The following DYNLRB1 variants were observed in gnomAD, a reference collection of about 807,000 sequenced individuals.
The protein encoded by DYNLRB1 is dynein light chain roadblock-type 1.
DYNLRB1 carries 6 observed loss-of-function variants against 13.5 expected under a neutral mutation model. That is an observed-to-expected ratio of 0.44 (90% confidence interval 0.24 to 0.88). The LOEUF is 0.88. Among genes scored for constraint, DYNLRB1 ranks in the 40% least tolerant of loss-of-function variants. The probability of loss-of-function intolerance (pLI) is 0.21; values close to 1 mark genes in which losing one functional copy is unlikely to be tolerated. For missense variants in DYNLRB1, 93 were observed against 127.2 expected, an observed-to-expected ratio of 0.73 and a Z score of 1.29; for synonymous variants, 43 against 45.0, an observed-to-expected ratio of 0.96 and a Z score of 0.18.
intron 2 of DYNLRB1, 53 bp from the exon 3 acceptor site, chr20:34,534,575 G>A (rs1329027579): frequency 6.6e-7 from 1 of 1,517,388 alleles, no homozygotes; most frequent in Non-Finnish European, 8.8e-7. Flanking sequence ...GTGGGTGGGA[G>A]CTCGGCAGAA....
intron 1 of DYNLRB1, among the ~76,000 whole-genome samples, chr20:34,521,370 G>A (rs905893151): frequency 2.0e-5 from 3 of 151,960 alleles, no homozygotes; most frequent in East Asian, 1.9e-4. Flanking sequence ...GTAATTTCTC[G>A]TAGGCATATT....
At chr20:34,533,241 A>G (rs1260963010) in intron 2 of DYNLRB1, among the ~76,000 whole-genome samples, 3 of 152,194 alleles carry the variant, frequency 2.0e-5, no homozygotes, top group Non-Finnish European at 4.4e-5. Flanking sequence ...TGCCCAGTTA[A>G]TTATACTGGT....
At chr20:34,527,702 T>G (rs1305589155) in intron 2 of DYNLRB1, among the ~76,000 whole-genome samples, 2 of 152,244 alleles carry the variant, frequency 1.3e-5, no homozygotes, top group African/African-American at 2.4e-5. Context: ...GAGATTCTTA[T>G]GATCAGACAG....
rs779758694 is a variant in DYNLRB1, at chr20:34,526,325, A to G, written c.61A>G (p.Ile21Val). 6.2e-6 allele frequency: 10 copies of G among 1,614,018 alleles called. No homozygotes were observed. The Admixed American group carries it at 1.3e-4, about 22-fold the overall frequency. Residue 21 changes from isoleucine to valine, a missense_variant, in exon 2 of 4, where the codon ATC becomes GTC. Physicochemically the swap from Ile to Val is conservative, Grantham distance 29. Transcript: ENST00000357156. Reference protein sequence around the residue: ...LQSQKGVQGIIVVNTEGIPIK... With the variant: ...LQSQKGVQGIVVVNTEGIPIK... ...GAGCCAGAAGGGAGTGCAGGGAATC[A>G]TCGTCGTGAACACAGAAGGTACGCC...
At position 34,540,567 on chromosome 20, in the gene DYNLRB1, T is replaced by G. The variant is rs1981497503; in HGVS notation, c.248-14T>G. The G allele has an allele frequency of 6.2e-7, 1 of 1,612,198 alleles. No individual in the cohort carries two copies. The highest frequency in any genetic ancestry group is 8.5e-7 in the Non-Finnish European group (1 of 1,179,152). ...TTACATTTAGTGATTTTTTTTCATT[T>G]TTCTCTTTTGCAGATAAAGACTATT... On this transcript the variant is annotated splice_polypyrimidine_tract_variant and intron_variant, in intron 3 of 3. Coordinates refer to ENST00000357156, the MANE Select transcript of DYNLRB1 (RefSeq NM_014183.4).
chr20:34,521,807 G>A (rs1034517400), intron 1 of DYNLRB1, among the ~76,000 whole-genome samples: 1 of 152,192 alleles, frequency 6.6e-6, no homozygotes. Context: ...AACAGTTTGG[G>A]AGGCCAAGGC....
intron 1 of DYNLRB1, among the ~76,000 whole-genome samples, chr20:34,525,925 A>T (rs535402573): frequency 2.6e-5 from 4 of 152,176 alleles, no homozygotes; most frequent in Non-Finnish European, 5.9e-5. Context: ...ACAGAGTCCC[A>T]TCCCCCAGCT....
At chr20:34,525,936 A>G (rs866997113) in intron 1 of DYNLRB1, among the ~76,000 whole-genome samples, 2 of 152,206 alleles carry the variant, frequency 1.3e-5, no homozygotes, top group South Asian at 2.1e-4. Context: ...TCCCCCAGCT[A>G]TGCCAAATAT....
chr20:34,536,165 G>T (rs1479612906), intron 3 of DYNLRB1: 1 of 985,448 alleles, frequency 1.0e-6, no homozygotes, highest in African/African-American at 1.7e-5. Flanking sequence ...ACGCTTCTGT[G>T]TGTAATGCCT....
intron 3 of DYNLRB1, among the ~76,000 whole-genome samples, chr20:34,536,784 C>T (rs1981182865): frequency 6.6e-6 from 1 of 151,894 alleles, no homozygotes; most frequent in South Asian, 2.1e-4. Flanking sequence ...GGGAACAGTC[C>T]CCCTGCTCAC....
intron 1 of DYNLRB1, among the ~76,000 whole-genome samples, chr20:34,520,028 C>T (rs1600538518): frequency 6.6e-6 from 1 of 152,154 alleles, no homozygotes; most frequent in Admixed American, 6.5e-5. Flanking sequence ...GCTCAGGAGG[C>T]TGAGGCACTA....
chr20:34,516,472 G>T lies in DYNLRB1; in HGVS notation c.3+11G>T, dbSNP rs745769629. 1.9e-6 allele frequency: 3 copies of T among 1,612,684 alleles called. No individual in the cohort carries two copies. The highest frequency in any genetic ancestry group is 2.5e-6 in the Non-Finnish European group (3 of 1,179,234). The stretch of plus-strand genomic sequence containing the variant: ...GATCGGTCGGAAATGGTGAGCGTGC[G>T]CCGGGGTCTTGTGGCTGGCGGCCGC... On this transcript the variant is annotated intron_variant, in intron 1 of 3. Coordinates refer to ENST00000357156, the MANE Select transcript of DYNLRB1 (RefSeq NM_014183.4).
In DYNLRB1 at chr20:34,526,293, G is replaced by A. The variant is rs138971582; in HGVS notation, c.29G>A (p.Arg10Gln). ...GCAGAGGTGGAGGAGACACTGAAGC[G>A]ACTGCAGAGCCAGAAGGGAGTGCAG... MAEVEETLK[R>Q]LQSQKGVQGI... The change falls in exon 2 of 4, where the codon CGA becomes CAA. Residue 10 changes from arginine (R) to glutamine (Q), a missense_variant. Coordinates refer to ENST00000357156, the MANE Select transcript of DYNLRB1 (RefSeq NM_014183.4). The A allele has an allele frequency of 8.2e-5, 132 of 1,613,964 alleles. No individual in the cohort carries two copies. Among genetic ancestry groups the A allele is most frequent in the Non-Finnish European group, 1.0e-4 (122 of 1,180,038 alleles).
At chr20:34,529,918 C>G (rs903409569) in intron 2 of DYNLRB1, 1 of 1,499,162 alleles carries the variant, frequency 6.7e-7, no homozygotes, top group Non-Finnish European at 8.9e-7. Flanking sequence ...TGCCCCTGAT[C>G]AGTTGGGTGG....
chr20:34,532,590 C>T (rs1025682139), intron 2 of DYNLRB1, among the ~76,000 whole-genome samples: 7 of 152,130 alleles, frequency 4.6e-5, no homozygotes, highest in African/African-American at 1.4e-4. Flanking sequence ...TTATAATGGA[C>T]GCATTCATTA....
chr20:34,536,871 G>T (rs983954526), intron 3 of DYNLRB1, among the ~76,000 whole-genome samples: 5 of 152,052 alleles, frequency 3.3e-5, no homozygotes, highest in African/African-American at 1.2e-4. Flanking sequence ...CAAATTACTT[G>T]GTCTCCAAAT....
intron 1 of DYNLRB1, among the ~76,000 whole-genome samples, chr20:34,522,456 C>CTT (rs1026721523): frequency 3.5e-5 from 4 of 114,656 alleles, no homozygotes; most frequent in Non-Finnish European, 7.6e-5. Context: ...TTCTTTCTTT[C>CTT]TTTTTTCTTT....
chr20:34,525,012 G>A (rs1337156872), intron 1 of DYNLRB1, among the ~76,000 whole-genome samples: 4 of 152,160 alleles, frequency 2.6e-5, no homozygotes, highest in African/African-American at 4.8e-5. Context: ...GGCATGAGCC[G>A]CCGCACCGGC....
At chr20:34,516,880 GAT>G in intron 1 of DYNLRB1, 2 of 1,509,662 alleles carry the variant, frequency 1.3e-6, no homozygotes, top group Non-Finnish European at 1.8e-6. Flanking sequence ...CTGTGAGGTA[GAT>G]ACAATCTTTA....
Sources: allele counts gnomAD v4.1 joint callset (sites outside exome capture counted in the v4.1 genomes callset), GRCh38; gene constraint gnomAD v4.1.1; transcripts MANE v1.5; gene names NCBI Gene and HGNC (gene_info 2026-07-23, HGNC 2026-07-21).